CRY1: variants seen among roughly 807,000 people sequenced by gnomAD.
CRY1 encodes cryptochrome-1.
Under a neutral mutation model 76.0 loss-of-function variants are expected in CRY1, and 45 were observed. The observed-to-expected ratio is 0.59, with a 90% confidence interval of 0.47 to 0.76. The LOEUF is 0.76. Among genes scored for constraint, CRY1 ranks in the 30% least tolerant of loss-of-function variants. The probability of loss-of-function intolerance (pLI) is 0.00; values close to 1 mark genes in which losing one functional copy is unlikely to be tolerated. For synonymous variants in CRY1, 248 were observed against 244.0 expected (o/e 1.02, Z -0.15); for missense variants, 587 against 716.4 (o/e 0.82, Z 2.06).
intron 1 of CRY1, among the ~76,000 whole-genome samples, chr12:107,033,260 T>C (rs764741404): frequency 7.9e-5 from 12 of 152,160 alleles, no homozygotes; most frequent in Non-Finnish European, 1.6e-4. Flanking sequence ...ATTGAATCCA[T>C]AGCTTAAAAT....
intron 2 of CRY1, among the ~76,000 whole-genome samples, chr12:107,013,054 G>A (rs532442244): frequency 6.6e-6 from 1 of 152,348 alleles, no homozygotes; most frequent in East Asian, 1.9e-4. Flanking sequence ...GATAAAAAAG[G>A]ATTTAGGTTA....
Position 106,997,314 on chromosome 12 carries a change from G to A in CRY1, c.1565C>T (p.Pro522Leu). The change falls in exon 10 of 13, where the codon CCA becomes CTA. Residue 522 changes from proline to leucine, a missense_variant. Pro to Leu is a moderately conservative substitution (Grantham distance 98). Coordinates refer to ENST00000008527, the MANE Select transcript of CRY1 (RefSeq NM_004075.5). ...CTTACTTCCACTGCTGCTACAACCT[G>A]GGATATTTTCTGCAGAATATCCCAT... ...GFMGYSAENI[P>L]GCSSSGSCSQ... is the part of the protein sequence containing the mutation. 6.2e-7 allele frequency: 1 copy of A among 1,613,826 alleles called. No individual in the cohort carries two copies. The highest frequency in any genetic ancestry group is 8.5e-7 in the Non-Finnish European group (1 of 1,179,848).
intron 1 of CRY1, among the ~76,000 whole-genome samples, chr12:107,061,495 T>C (rs1416051120): frequency 4.0e-5 from 6 of 151,824 alleles, no homozygotes; most frequent in African/African-American, 1.5e-4. Flanking sequence ...TTCTCCTGCC[T>C]CAGCCTCCTG....
At chr12:107,011,843 G>A (rs1593501405) in intron 2 of CRY1, among the ~76,000 whole-genome samples, 1 of 152,346 alleles carries the variant, frequency 6.6e-6, no homozygotes, top group East Asian at 1.9e-4. Context: ...TGTTGATGAA[G>A]CAGCCTTCTA....
chr12:107,017,907 C>G (rs920107826), intron 2 of CRY1, among the ~76,000 whole-genome samples: 1 of 152,208 alleles, frequency 6.6e-6, no homozygotes, highest in Non-Finnish European at 1.5e-5. Flanking sequence ...CATTTACTAT[C>G]CCACATTTTA....
intron 2 of CRY1, among the ~76,000 whole-genome samples, chr12:107,009,245 T>C (rs1046481641): frequency 1.3e-5 from 2 of 152,044 alleles, no homozygotes; most frequent in African/African-American, 2.4e-5. Context: ...GAAGTAGCAG[T>C]ATTTTAAAAT....
intron 1 of CRY1, among the ~76,000 whole-genome samples, chr12:107,054,405 CTAGT>C (rs1469861314): frequency 2.6e-5 from 4 of 150,948 alleles, no homozygotes; most frequent in South Asian, 2.1e-4. Context: ...ATTAATAAAT[CTAGT>C]TATTAGAAAG....
intron 1 of CRY1, among the ~76,000 whole-genome samples, chr12:107,044,392 T>A (rs925267511): frequency 6.6e-6 from 1 of 152,116 alleles, no homozygotes; most frequent in Non-Finnish European, 1.5e-5. Flanking sequence ...GCTACTGAGG[T>A]GCCCACAGTT....
rs1196051778 is a variant in CRY1 at position 107,022,107 on chromosome 12, C to T, written c.244G>A (p.Asp82Asn). 6.2e-7 allele frequency: 1 copy of T among 1,604,718 alleles called. No individual in the cohort carries two copies. The highest frequency in any genetic ancestry group is 1.7e-5 in the Admixed American group (1 of 58,958). Residue 82 changes from aspartate to asparagine, a missense_variant, in exon 2 of 13, where the codon GAT becomes AAT. Coordinates refer to ENST00000008527, the MANE Select transcript of CRY1 (RefSeq NM_004075.5). ...RLFVIRGQPA[D>N]VFPRLFKEWN... is the part of the protein sequence containing the mutation. ...ACCTTGAAAAGCCTGGGAAACACATCTGCTGGTTGTCCACGAATCACAAAC... is the reference window on the plus strand; with the variant it reads ...ACCTTGAAAAGCCTGGGAAACACATTTGCTGGTTGTCCACGAATCACAAAC...
chr12:107,026,147 T>TAA lies in CRY1; in HGVS notation c.159-3956_159-3955insTT, dbSNP rs1565829128. On this transcript the variant is annotated intron_variant, in intron 1 of 12. Transcript: ENST00000008527. Reference sequence around the variant, plus strand: ...TATATATAATTACATATATATTACATATATATATAAAATATATATATATAT... The same window carrying TAA: ...TATATATAATTACATATATATTACATAAATATATATAAAATATATATATATAT... 5.1e-3 allele frequency among the ~76,000 whole-genome samples: 366 copies of TAA among 72,074 alleles called. 11 individuals carry two copies. The highest frequency in any genetic ancestry group is 0.021 in the African/African-American group (343 of 16,592). 47.3% of individuals were successfully genotyped at this position (72,074 alleles called of 152,430 possible). A position where few individuals can be genotyped will look rare whatever the true frequency, so the allele number is the denominator to read the frequency against.
chr12:107,070,048 T>C (rs1953169649), intron 1 of CRY1, among the ~76,000 whole-genome samples: 1 of 152,178 alleles, frequency 6.6e-6, no homozygotes, highest in Non-Finnish European at 1.5e-5. Flanking sequence ...ATAGACTTGT[T>C]CAGCTACTGT....
At chr12:107,023,797 C>T (rs1466035326) in intron 1 of CRY1, among the ~76,000 whole-genome samples, 1 of 152,156 alleles carries the variant, frequency 6.6e-6, no homozygotes, top group Non-Finnish European at 1.5e-5. Context: ...GGAGTCACCT[C>T]CCTAACACCT....
At chr12:107,089,646 C>T (rs75665034) in intron 1 of CRY1, among the ~76,000 whole-genome samples, 2,404 of 151,892 alleles carry the variant, frequency 0.016, 65 homozygotes, top group African/African-American at 0.054. Flanking sequence ...AAGTGTTGAC[C>T]GAAGAAAATA....
At chr12:107,012,776 A>G (rs895943932) in intron 2 of CRY1, among the ~76,000 whole-genome samples, 2 of 152,228 alleles carry the variant, frequency 1.3e-5, no homozygotes, top group African/African-American at 4.8e-5. Context: ...TAAAATATCA[A>G]CATTAACAGC....
intron 1 of CRY1, among the ~76,000 whole-genome samples, chr12:107,027,106 G>C (rs1252162535): frequency 6.6e-6 from 1 of 152,018 alleles, no homozygotes; most frequent in Non-Finnish European, 1.5e-5. Context: ...CTTTAATGCT[G>C]AACGAATAAT....
intron 1 of CRY1, among the ~76,000 whole-genome samples, chr12:107,089,886 T>TA (rs1953450247): frequency 6.6e-6 from 1 of 152,192 alleles, no homozygotes; most frequent in African/African-American, 2.4e-5. Context: ...TACTACTATA[T>TA]AAAAAGCACT....
intron 1 of CRY1, among the ~76,000 whole-genome samples, chr12:107,026,833 A>G (rs574681626): frequency 1.3e-5 from 2 of 149,548 alleles, no homozygotes; most frequent in African/African-American, 5.0e-5. Context: ...ATACTTGGGC[A>G]TGACAAAAGA....
intron 1 of CRY1, among the ~76,000 whole-genome samples, chr12:107,026,134 C>CATATATGTA (rs1172741922): frequency 1.0e-4 from 6 of 58,826 alleles, no homozygotes; most frequent in African/African-American, 5.7e-4. Context: ...TATATAATTA[C>CATATATGTA]ATATATATTA....
intron 1 of CRY1, among the ~76,000 whole-genome samples, chr12:107,072,739 A>G (rs1462940797): frequency 4.6e-5 from 7 of 152,224 alleles, no homozygotes; most frequent in Admixed American, 4.6e-4. Flanking sequence ...TTATATTTTC[A>G]TATTTTAAAA....
Sources: allele counts gnomAD v4.1 joint callset (sites outside exome capture counted in the v4.1 genomes callset), GRCh38; gene constraint gnomAD v4.1.1; transcripts MANE v1.5; gene names NCBI Gene and HGNC (gene_info 2026-07-23, HGNC 2026-07-21).